The following KCNIP4 variants were observed in gnomAD, a reference collection of about 807,000 sequenced individuals.
The protein encoded by KCNIP4 is potassium voltage-gated channel interacting protein 4.
A neutral mutation model predicts 34.0 loss-of-function variants in KCNIP4; 12 were observed. That is an observed-to-expected ratio of 0.35 (90% CI 0.23 to 0.57). The LOEUF (loss-of-function observed/expected upper bound fraction) is 0.57. Ranked by LOEUF, KCNIP4 falls within the 20% of genes least tolerant of loss-of-function variation. KCNIP4 has a pLI of 0.83. For synonymous variants in KCNIP4, 124 were observed against 102.2 expected (o/e 1.21, Z -1.29); for missense variants, 238 against 311.7 (o/e 0.76, Z 1.78).
At chr4:21,354,702 G>A (rs1718385324) in intron 1 of KCNIP4, among the ~76,000 whole-genome samples, 1 of 152,140 alleles carries the variant, frequency 6.6e-6, no homozygotes, top group Admixed American at 6.6e-5. Context: ...AATAATGGGA[G>A]ACTTTAACAC....
chr4:21,850,146 T>C (rs1724285373), intron 1 of KCNIP4: 1 of 151,932 alleles, frequency 6.6e-6, no homozygotes, highest in African/African-American at 2.4e-5. Context: ...TTTAAGGACA[T>C]TATAGAGATC....
At chr4:20,876,964 C>G (rs1401811817) in intron 2 of KCNIP4, among the ~76,000 whole-genome samples, 1 of 152,178 alleles carries the variant, frequency 6.6e-6, no homozygotes, top group African/African-American at 2.4e-5. Flanking sequence ...CTGTAGATCA[C>G]AACACCTGGC....
At chr4:21,408,938 G>A (rs1724236383) in intron 1 of KCNIP4, among the ~76,000 whole-genome samples, 1 of 152,000 alleles carries the variant, frequency 6.6e-6, no homozygotes, top group East Asian at 1.9e-4. Context: ...ATGATCTTGG[G>A]TTTCACTGTC....
intron 1 of KCNIP4, among the ~76,000 whole-genome samples, chr4:20,959,177 T>C (rs1417971672): frequency 6.6e-6 from 1 of 152,346 alleles, no homozygotes; most frequent in East Asian, 1.9e-4. Flanking sequence ...TAAGAGAGGA[T>C]AGTCACAGGC....
Position 21,388,009 on chromosome 4 carries a change from G to C in KCNIP4, c.62-505300C>G, listed in dbSNP as rs188290712. ...CAATAGATATCCTTTTCTCTGGGAC[G>C]GGATGAAAGGCATTTACATACAAAA... is the stretch of plus-strand genomic sequence containing the variant. On this transcript the variant is annotated intron_variant, in intron 1 of 8. Transcript: ENST00000382152. 1.4e-4 allele frequency among the ~76,000 whole-genome samples: 21 copies of C among 151,828 alleles called. 1 individual carries two copies. The highest frequency in any genetic ancestry group is 5.3e-4 in the Admixed American group (8 of 15,194).
chr4:21,672,279 A>G (rs1402087346), intron 1 of KCNIP4, among the ~76,000 whole-genome samples: 1 of 152,194 alleles, frequency 6.6e-6, no homozygotes, highest in African/African-American at 2.4e-5. Flanking sequence ...CTTAAAATAT[A>G]ATAATTTAAA....
At chr4:20,993,601 A>G (rs774883758) in intron 1 of KCNIP4, among the ~76,000 whole-genome samples, 20 of 152,342 alleles carry the variant, frequency 1.3e-4, no homozygotes, top group Non-Finnish European at 2.1e-4. Flanking sequence ...AACTGGAAAC[A>G]AAATCATTCT....
At chr4:21,251,890 A>G (rs1044658985) in intron 1 of KCNIP4, among the ~76,000 whole-genome samples, 1 of 151,566 alleles carries the variant, frequency 6.6e-6, no homozygotes, top group African/African-American at 2.4e-5. Flanking sequence ...GAGGGATAGC[A>G]TTAGGAGTAT....
intron 1 of KCNIP4, among the ~76,000 whole-genome samples, chr4:21,745,906 GT>G (rs1716745882): frequency 6.6e-6 from 1 of 152,060 alleles, no homozygotes; most frequent in South Asian, 2.1e-4. Flanking sequence ...AAAAAACAGT[GT>G]TTTTGTTTGC....
intron 1 of KCNIP4, among the ~76,000 whole-genome samples, chr4:21,000,376 C>T (rs568583266): frequency 2.6e-5 from 4 of 151,490 alleles, no homozygotes; most frequent in Non-Finnish European, 5.9e-5. Flanking sequence ...CAAAACCTTC[C>T]AATAGATCTT....
At chr4:20,851,430 T>A (rs984761600) in intron 2 of KCNIP4, among the ~76,000 whole-genome samples, 1 of 152,204 alleles carries the variant, frequency 6.6e-6, no homozygotes, top group African/African-American at 2.4e-5. Context: ...ATCCAGTCTA[T>A]CATTGGTGGG....
chr4:21,334,690 A>G (rs540502024), intron 1 of KCNIP4, among the ~76,000 whole-genome samples: 1 of 151,986 alleles, frequency 6.6e-6, no homozygotes, highest in Non-Finnish European at 1.5e-5. Context: ...CCCCCACCCC[A>G]GGCAAACACT....
At chr4:21,832,793 A>G (rs996441843) in intron 1 of KCNIP4, among the ~76,000 whole-genome samples, 6 of 133,440 alleles carry the variant, frequency 4.5e-5, no homozygotes, top group African/African-American at 1.7e-4. Context: ...TCCTGTGTCC[A>G]TGGGTTCTCA....
chr4:21,308,738 GTA>G (rs1553857778), intron 1 of KCNIP4, among the ~76,000 whole-genome samples: 9 of 150,398 alleles, frequency 6.0e-5, no homozygotes, highest in Non-Finnish European at 1.3e-4. Flanking sequence ...GTGTGTGTGT[GTA>G]GCAGATAAGT....
intron 1 of KCNIP4, among the ~76,000 whole-genome samples, chr4:21,132,077 TAA>T (rs1329585466): frequency 1.3e-5 from 2 of 152,234 alleles, no homozygotes; most frequent in Non-Finnish European, 2.9e-5. Context: ...AGATGTTTAC[TAA>T]GTTTTAAAAT....
chr4:21,154,456 T>C (rs1427724268), intron 1 of KCNIP4, among the ~76,000 whole-genome samples: 5 of 152,116 alleles, frequency 3.3e-5, no homozygotes, highest in Non-Finnish European at 5.9e-5. Flanking sequence ...TCTTATGTTA[T>C]AGCACATTTT....
chr4:20,850,956 G>C (rs554465771), intron 2 of KCNIP4, among the ~76,000 whole-genome samples: 1 of 152,148 alleles, frequency 6.6e-6, no homozygotes, highest in Admixed American at 6.5e-5. Flanking sequence ...CAGATAATCA[G>C]TGGATTATAT....
intron 2 of KCNIP4, among the ~76,000 whole-genome samples, chr4:20,861,032 C>G (rs971497152): frequency 6.6e-6 from 1 of 152,100 alleles, no homozygotes; most frequent in African/African-American, 2.4e-5. Context: ...GCTCACAAAG[C>G]TCAAAGAGGG....
At chr4:20,863,825 C>T (rs572217405) in intron 2 of KCNIP4, among the ~76,000 whole-genome samples, 1 of 151,920 alleles carries the variant, frequency 6.6e-6, no homozygotes, top group African/African-American at 2.4e-5. Context: ...TAATAACAAA[C>T]CTGCACATGC....
Sources: allele counts gnomAD v4.1 joint callset (sites outside exome capture counted in the v4.1 genomes callset), GRCh38; gene constraint gnomAD v4.1.1; transcripts MANE v1.5; gene names NCBI Gene and HGNC (gene_info 2026-07-23, HGNC 2026-07-21).